Variants in SLC71A2 observed in about 807,000 individuals in gnomAD.
SLC71A2 encodes solute carrier family 71 member 2.
At chr9:94,453,773 C>T in the SLC71A2 span, among the ~76,000 whole-genome samples, 1 of 152,190 alleles carries the variant, frequency 6.6e-6, no homozygotes, top group Non-Finnish European at 1.5e-5. Context: ...CCAGGTCAGG[C>T]TGGGAGCCCC....
At chr9:94,431,411 TG>T in the SLC71A2 span, among the ~76,000 whole-genome samples, 1 of 151,760 alleles carries the variant, frequency 6.6e-6, no homozygotes, top group South Asian at 2.1e-4. Flanking sequence ...TAATAAATAA[TG>T]TTAAATATTA....
At chr9:94,447,782 TCA>T in the SLC71A2 span, among the ~76,000 whole-genome samples, 31 of 152,286 alleles carry the variant, frequency 2.0e-4, 1 homozygote, top group South Asian at 6.4e-3. Context: ...CCTTACAGTA[TCA>T]CACAGTGAAT....
At chr9:94,459,453 A>C in the SLC71A2 span, 1 of 1,606,754 alleles carries the variant, frequency 6.2e-7, no homozygotes, top group East Asian at 2.2e-5. Flanking sequence ...CATCTCTGAG[A>C]GCCATGGAGG....
chr9:94,401,736 CA>C, the SLC71A2 span, among the ~76,000 whole-genome samples: 1 of 151,726 alleles, frequency 6.6e-6, no homozygotes, highest in Non-Finnish European at 1.5e-5. Context: ...AAAGGGGTCC[CA>C]ATCCAGACTC....
At chr9:94,435,429 G>A in the SLC71A2 span, among the ~76,000 whole-genome samples, 373 of 152,178 alleles carry the variant, frequency 2.5e-3, no homozygotes, top group Middle Eastern at 0.017. Flanking sequence ...CAAGAATTCA[G>A]CAGTTATGCC....
chr9:94,389,270 G>GT, the SLC71A2 span, among the ~76,000 whole-genome samples: 1 of 138,832 alleles, frequency 7.2e-6, no homozygotes, highest in Admixed American at 7.0e-5. Context: ...ACTTAATTCT[G>GT]GTTTTTTTTT....
the SLC71A2 span, among the ~76,000 whole-genome samples, chr9:94,418,335 T>C: frequency 3.9e-5 from 6 of 152,264 alleles, no homozygotes; most frequent in Admixed American, 2.0e-4. Flanking sequence ...GTTGTCACTT[T>C]AGTGGATTGT....
the SLC71A2 span, chr9:94,456,306 C>T: frequency 2.5e-6 from 4 of 1,613,972 alleles, no homozygotes; most frequent in Non-Finnish European, 3.4e-6. Context: ...TCAGTGCCCT[C>T]GTCTCTCGGA....
chr9:94,412,329 T>C, the SLC71A2 span, among the ~76,000 whole-genome samples: 2 of 152,222 alleles, frequency 1.3e-5, no homozygotes, highest in African/African-American at 4.8e-5. Flanking sequence ...AAGTATTTTT[T>C]TGACTCTTAA....
At chr9:94,437,063 A>G in the SLC71A2 span, among the ~76,000 whole-genome samples, 1 of 148,326 alleles carries the variant, frequency 6.7e-6, no homozygotes. Context: ...GGGAAGAATC[A>G]CTAGCAGTTT....
At chr9:94,441,198 G>A in the SLC71A2 span, 2 of 545,360 alleles carry the variant, frequency 3.7e-6, no homozygotes, top group South Asian at 3.2e-5. Context: ...TTCTTGCACT[G>A]CTGTAAAGAA....
chr9:94,430,388 A>C, the SLC71A2 span, among the ~76,000 whole-genome samples: 13 of 151,854 alleles, frequency 8.6e-5, no homozygotes, highest in Non-Finnish European at 5.9e-5. Flanking sequence ...ACGCTCAGCT[A>C]ATTTTTGTAA....
At chr9:94,420,920 A>T in the SLC71A2 span, among the ~76,000 whole-genome samples, 1 of 152,148 alleles carries the variant, frequency 6.6e-6, no homozygotes, top group Admixed American at 6.5e-5. Flanking sequence ...AGTTAAAATT[A>T]AAAAATAAAT....
At chr9:94,411,652 G>A in the SLC71A2 span, among the ~76,000 whole-genome samples, 3 of 151,110 alleles carry the variant, frequency 2.0e-5, no homozygotes, top group Admixed American at 6.6e-5. Context: ...GTGCAATGGC[G>A]TGATCTTGGC....
At chr9:94,415,223 G>A in the SLC71A2 span, 7 of 1,613,626 alleles carry the variant, frequency 4.3e-6, no homozygotes, top group African/African-American at 4.0e-5. Context: ...AATTCTTTGC[G>A]TGGGGCCTGT....
the SLC71A2 span, among the ~76,000 whole-genome samples, chr9:94,446,460 A>G: frequency 3.3e-5 from 5 of 152,366 alleles, no homozygotes; most frequent in East Asian, 9.6e-4. Flanking sequence ...TAAAGAAGTT[A>G]CATTATGAAT....
chr9:94,427,862 GC>G, the SLC71A2 span, among the ~76,000 whole-genome samples: 1 of 147,312 alleles, frequency 6.8e-6, no homozygotes, highest in Admixed American at 6.9e-5. Context: ...AGTGGCTCAC[GC>G]CTGTAATCCC....
the SLC71A2 span, among the ~76,000 whole-genome samples, chr9:94,418,178 A>C: frequency 6.6e-6 from 1 of 152,064 alleles, no homozygotes. Flanking sequence ...AGTGTTTTAC[A>C]CTTGATAATG....
chr9:94,435,633 G>T, the SLC71A2 span, among the ~76,000 whole-genome samples: 1 of 144,472 alleles, frequency 6.9e-6, no homozygotes. Flanking sequence ...GAATTATTCC[G>T]AACCTTTTTC....
Sources: gnomAD v4.1 joint callset for allele counts (sites outside exome capture counted in the v4.1 genomes callset) on GRCh38, gnomAD v4.1.1 for gene constraint, MANE v1.5 for transcripts, NCBI Gene and HGNC (gene_info 2026-07-23, HGNC 2026-07-21) for gene names.